ZMAT4: variants seen among roughly 807,000 people sequenced by gnomAD.
ZMAT4 encodes zinc finger matrin-type 4.
A neutral mutation model predicts 28.7 loss-of-function variants in ZMAT4; 17 were observed. The ratio of observed to expected loss-of-function variants is 0.59; its 90% CI spans 0.41 to 0.89. The LOEUF (loss-of-function observed/expected upper bound fraction) is 0.89. Ranked by LOEUF, ZMAT4 falls within the 40% of genes least tolerant of loss-of-function variation. ZMAT4 has a pLI of 0.00. For missense variants in ZMAT4, 240 were observed against 283.8 expected, an observed-to-expected ratio of 0.85 and a Z score of 1.11; for synonymous variants, 117 against 109.2, an observed-to-expected ratio of 1.07 and a Z score of -0.44.
intron 1 of ZMAT4, among the ~76,000 whole-genome samples, chr8:40,852,518 G>GAT (rs1278885729): frequency 6.6e-6 from 1 of 152,152 alleles, no homozygotes; most frequent in African/African-American, 2.4e-5. Context: ...GCTTCACACA[G>GAT]ATATATAGTT....
intron 5 of ZMAT4, among the ~76,000 whole-genome samples, chr8:40,662,277 G>A (rs958802486): frequency 7.9e-5 from 12 of 152,066 alleles, no homozygotes; most frequent in South Asian, 4.1e-4. Flanking sequence ...CACCACACCC[G>A]GCCCAGGTAA....
intron 1 of ZMAT4, among the ~76,000 whole-genome samples, chr8:40,886,946 C>A (rs1022092976): frequency 1.3e-5 from 2 of 151,862 alleles, no homozygotes; most frequent in African/African-American, 4.8e-5. Flanking sequence ...CCAAGGCGGG[C>A]AGAACACGAG....
intron 2 of ZMAT4, among the ~76,000 whole-genome samples, chr8:40,812,004 A>C (rs1423647603): frequency 1.3e-5 from 2 of 150,958 alleles, no homozygotes; most frequent in African/African-American, 4.9e-5. Flanking sequence ...GGTGGTGCGC[A>C]CCTGTAATCC....
At chr8:40,727,597 G>A (rs924220589) in intron 3 of ZMAT4, among the ~76,000 whole-genome samples, 1 of 152,182 alleles carries the variant, frequency 6.6e-6, no homozygotes, top group South Asian at 2.1e-4. Context: ...TGAGTAGGCA[G>A]CCAAGAATGT....
chr8:40,611,331 A>G (rs1441020855), intron 5 of ZMAT4, among the ~76,000 whole-genome samples: 1 of 152,048 alleles, frequency 6.6e-6, no homozygotes, highest in Non-Finnish European at 1.5e-5. Flanking sequence ...TATTATCTGT[A>G]GAATATATCT....
intron 3 of ZMAT4, among the ~76,000 whole-genome samples, chr8:40,742,772 C>G (rs1404263784): frequency 3.3e-5 from 5 of 149,654 alleles, no homozygotes; most frequent in African/African-American, 1.0e-4. Context: ...CACACACACA[C>G]ACACACACAC....
chr8:40,802,010 T>G (rs1814870869), intron 2 of ZMAT4, among the ~76,000 whole-genome samples: 2 of 152,228 alleles, frequency 1.3e-5, no homozygotes, highest in South Asian at 4.1e-4. Context: ...AGAAAAAACA[T>G]TTGACAAAAT....
intron 1 of ZMAT4, among the ~76,000 whole-genome samples, chr8:40,865,887 G>C (rs922300912): frequency 6.6e-6 from 1 of 152,170 alleles, no homozygotes; most frequent in African/African-American, 2.4e-5. Context: ...GATTTTAGAA[G>C]GCCAAACCAA....
chr8:40,705,562 T>C (rs1810316739), intron 3 of ZMAT4, among the ~76,000 whole-genome samples: 1 of 152,192 alleles, frequency 6.6e-6, no homozygotes, highest in Non-Finnish European at 1.5e-5. Context: ...ATGACATATC[T>C]TTGAAAAAAT....
intron 3 of ZMAT4, among the ~76,000 whole-genome samples, chr8:40,723,692 G>T (rs1036940754): frequency 6.6e-6 from 1 of 152,068 alleles, no homozygotes; most frequent in African/African-American, 2.4e-5. Flanking sequence ...TATTCCTGTG[G>T]GGTAAAACTG....
intron 1 of ZMAT4, among the ~76,000 whole-genome samples, chr8:40,840,415 C>G (rs1216492514): frequency 6.6e-6 from 1 of 152,166 alleles, no homozygotes; most frequent in African/African-American, 2.4e-5. Flanking sequence ...TGCTTCTGCT[C>G]CTCCCTCCAC....
At chr8:40,666,709 T>A (rs1202192212) in intron 5 of ZMAT4, among the ~76,000 whole-genome samples, 1 of 152,066 alleles carries the variant, frequency 6.6e-6, no homozygotes, top group Non-Finnish European at 1.5e-5. Context: ...AAAACTACAA[T>A]ACAATGTATA....
intron 1 of ZMAT4, among the ~76,000 whole-genome samples, chr8:40,881,497 A>AAGAG (rs1380583056): frequency 8.0e-5 from 11 of 136,752 alleles, no homozygotes; most frequent in Middle Eastern, 3.7e-3. Context: ...GAAAGAAAGA[A>AAGAG]AGAGGAAGGA....
At chr8:40,663,939 T>C (rs962473765) in intron 5 of ZMAT4, among the ~76,000 whole-genome samples, 1 of 152,196 alleles carries the variant, frequency 6.6e-6, no homozygotes, top group Non-Finnish European at 1.5e-5. Context: ...AAAGTACATA[T>C]TATTTGACAC....
At chr8:40,837,160 A>G (rs998500675) in intron 1 of ZMAT4, among the ~76,000 whole-genome samples, 9 of 152,206 alleles carry the variant, frequency 5.9e-5, no homozygotes, top group Non-Finnish European at 1.3e-4. Context: ...ACTGCACCAC[A>G]TAATTGAGTT....
intron 2 of ZMAT4, among the ~76,000 whole-genome samples, chr8:40,795,461 G>GT (rs1363359808): frequency 6.6e-6 from 1 of 152,210 alleles, no homozygotes; most frequent in Non-Finnish European, 1.5e-5. Flanking sequence ...ACATAGTTAA[G>GT]TCCAGAATTT....
At chr8:40,830,388 G>A (rs779580345) in intron 1 of ZMAT4, among the ~76,000 whole-genome samples, 1 of 151,960 alleles carries the variant, frequency 6.6e-6, no homozygotes, top group Non-Finnish European at 1.5e-5. Flanking sequence ...ATGTCTACGT[G>A]TACCCATTGT....
At chr8:40,840,546 C>A (rs979577831) in intron 1 of ZMAT4, among the ~76,000 whole-genome samples, 3 of 152,186 alleles carry the variant, frequency 2.0e-5, no homozygotes, top group African/African-American at 7.2e-5. Flanking sequence ...AAGCAGAGCT[C>A]ACACAGCCCT....
intron 2 of ZMAT4, among the ~76,000 whole-genome samples, chr8:40,806,922 A>G (rs961101588): frequency 3.9e-5 from 6 of 152,010 alleles, no homozygotes; most frequent in African/African-American, 1.4e-4. Flanking sequence ...ACCAGGCTCC[A>G]AACTTAGAAG....
Sources: gnomAD v4.1 joint callset for allele counts (sites outside exome capture counted in the v4.1 genomes callset) on GRCh38, gnomAD v4.1.1 for gene constraint, MANE v1.5 for transcripts, NCBI Gene and HGNC (gene_info 2026-07-23, HGNC 2026-07-21) for gene names.